The following ADAMTS18 variants were observed in gnomAD, a reference collection of about 807,000 sequenced individuals.
ADAMTS18 encodes A disintegrin and metalloproteinase with thrombospondin motifs 18.
Under a neutral mutation model 165.9 loss-of-function variants are expected in ADAMTS18, and 157 were observed. That is an observed-to-expected ratio of 0.95 (90% confidence interval 0.83 to 1.08). The LOEUF (loss-of-function observed/expected upper bound fraction) is 1.08. Among genes scored for constraint, ADAMTS18 ranks in the 50% least tolerant of loss-of-function variants. ADAMTS18 has a pLI of 0.00. For missense variants in ADAMTS18, 2,040 were observed against 1,534.0 expected, an observed-to-expected ratio of 1.33 and a Z score of -5.51; for synonymous variants, 782 against 578.2, an observed-to-expected ratio of 1.35 and a Z score of -5.06.
chr16:77,286,962 T>C (rs576569141), intron 22 of ADAMTS18, among the ~76,000 whole-genome samples: 4 of 152,280 alleles, frequency 2.6e-5, no homozygotes, highest in Non-Finnish European at 5.9e-5. Context: ...CACACACTGA[T>C]GATGATATAC....
chr16:77,286,242 C>A (rs2055248198), intron 22 of ADAMTS18, among the ~76,000 whole-genome samples: 1 of 152,106 alleles, frequency 6.6e-6, no homozygotes, highest in Non-Finnish European at 1.5e-5. Context: ...TGTTTAAGTG[C>A]TAAATAATCA....
chr16:77,336,667 CT>C (rs1353097807), intron 11 of ADAMTS18, among the ~76,000 whole-genome samples: 2 of 152,162 alleles, frequency 1.3e-5, no homozygotes, highest in Non-Finnish European at 2.9e-5. Flanking sequence ...GAGCTTTTTT[CT>C]GTATTAACCT....
chr16:77,413,018 C>T (rs906764524), intron 3 of ADAMTS18, among the ~76,000 whole-genome samples: 2 of 152,068 alleles, frequency 1.3e-5, no homozygotes, highest in Admixed American at 1.3e-4. Context: ...TTTCTTTACA[C>T]ACTCACACAC....
At chr16:77,420,113 C>A (rs1010701269) in intron 3 of ADAMTS18, among the ~76,000 whole-genome samples, 1 of 148,930 alleles carries the variant, frequency 6.7e-6, no homozygotes, top group African/African-American at 2.5e-5. Context: ...ACTTTACAGA[C>A]GAGCAAACTA....
chr16:77,332,308 G>A lies in ADAMTS18; in HGVS notation c.1859+3448C>T, dbSNP rs77813102. 1.6e-4 allele frequency among the ~76,000 whole-genome samples: 25 copies of A among 152,136 alleles called. No individual in the cohort carries two copies. The East Asian group carries it at 2.1e-3, about 13-fold the overall frequency. On this transcript the variant is annotated intron_variant, in intron 12 of 22. Transcript: ENST00000282849. ...ATCACATTCTTCAAAAGTCAGTTTCGTCAGTAAAGGCTCTGCCTCTCCACC... is the reference window on the plus strand; with the variant it reads ...ATCACATTCTTCAAAAGTCAGTTTCATCAGTAAAGGCTCTGCCTCTCCACC...
intron 3 of ADAMTS18, among the ~76,000 whole-genome samples, chr16:77,420,691 G>T (rs768503): frequency 0.13 from 19,731 of 152,130 alleles, 1,336 homozygotes; most frequent in Middle Eastern, 0.31. Context: ...AAGATGTAGA[G>T]ATATTCATTA....
At chr16:77,422,192 G>C (rs1173428258) in intron 3 of ADAMTS18, among the ~76,000 whole-genome samples, 1 of 152,064 alleles carries the variant, frequency 6.6e-6, no homozygotes, top group African/African-American at 2.4e-5. Context: ...TTTGGATACA[G>C]AGACAAATTT....
intron 8 of ADAMTS18, among the ~76,000 whole-genome samples, chr16:77,356,400 A>C (rs559107303): frequency 3.3e-5 from 5 of 152,208 alleles, no homozygotes; most frequent in Admixed American, 2.0e-4. Flanking sequence ...GAACAGCCAA[A>C]TTATTTAGTT....
chr16:77,289,171 G>A (rs1039828708), intron 22 of ADAMTS18, 93 bp downstream of exon 22: 15 of 1,510,370 alleles, frequency 9.9e-6, no homozygotes, highest in South Asian at 2.3e-5. Context: ...CCCTAGAGTT[G>A]TACAATGTCA....
At chr16:77,303,454 T>A (rs1170647776) in intron 16 of ADAMTS18, among the ~76,000 whole-genome samples, 2 of 152,190 alleles carry the variant, frequency 1.3e-5, no homozygotes, top group Non-Finnish European at 2.9e-5. Flanking sequence ...TAGGCCAAAA[T>A]AAAAACTTGG....
intron 3 of ADAMTS18, among the ~76,000 whole-genome samples, chr16:77,416,850 C>G (rs770000143): frequency 8.6e-5 from 13 of 152,022 alleles, no homozygotes; most frequent in Non-Finnish European, 1.5e-4. Context: ...TACAGGAATC[C>G]AGGTGAGAGA....
At chr16:77,413,186 C>A (rs2057487328) in intron 3 of ADAMTS18, among the ~76,000 whole-genome samples, 2 of 152,142 alleles carry the variant, frequency 1.3e-5, no homozygotes, top group Non-Finnish European at 1.5e-5. Flanking sequence ...ACTGATAATT[C>A]TTTCTGTAGA....
At chr16:77,411,810 C>G (rs1340798108) in intron 3 of ADAMTS18, among the ~76,000 whole-genome samples, 2 of 151,218 alleles carry the variant, frequency 1.3e-5, no homozygotes, top group African/African-American at 4.9e-5. Flanking sequence ...TCTCAGCCTC[C>G]TGAGTAGCTG....
chr16:77,343,996 C>T (rs1243782679), intron 10 of ADAMTS18, among the ~76,000 whole-genome samples: 3 of 150,938 alleles, frequency 2.0e-5, no homozygotes, highest in Non-Finnish European at 4.4e-5. Flanking sequence ...CACTCCATTT[C>T]ATGTAGATTT....
rs183848295 is a variant in ADAMTS18, at chr16:77,374,118, C to T, written c.496-6395G>A. 5.3e-5 allele frequency among the ~76,000 whole-genome samples: 8 copies of T among 151,684 alleles called. No homozygotes were observed. The East Asian group carries it at 1.6e-3, about 30-fold the overall frequency. ...CCTGTAATCCCAGCTACTCAGGAGGCTGAGGCAGGAGAATGGCTTGACCCC... is the reference window on the plus strand; with the variant it reads ...CCTGTAATCCCAGCTACTCAGGAGGTTGAGGCAGGAGAATGGCTTGACCCC... On this transcript the variant is annotated intron_variant, in intron 3 of 22. Transcript: ENST00000282849.
At chr16:77,372,157 C>T (rs930652581) in intron 3 of ADAMTS18, among the ~76,000 whole-genome samples, 2 of 152,112 alleles carry the variant, frequency 1.3e-5, no homozygotes, top group Non-Finnish European at 2.9e-5. Context: ...AACTGCTACA[C>T]ATTGTGGGCA....
chr16:77,337,024 C>A (rs758845420), intron 11 of ADAMTS18, among the ~76,000 whole-genome samples: 2 of 152,224 alleles, frequency 1.3e-5, no homozygotes, highest in Non-Finnish European at 2.9e-5. Flanking sequence ...GGCTTCATGA[C>A]TGTTTACTGT....
In ADAMTS18 at chr16:77,283,779, G is replaced by T; in HGVS notation, c.*177C>A. ...GTGCTTCAGAGTACCACGTGCTTCA[G>T]GGAATTGAGCTAGAAGCCTACTGGC... On this transcript the variant is annotated 3_prime_UTR_variant, in exon 23 of 23. Transcript: ENST00000282849. The T allele has an allele frequency of 1.7e-6, 1 of 605,966 alleles. No individual in the cohort carries two copies. The highest frequency in any genetic ancestry group is 3.0e-6 in the Non-Finnish European group (1 of 338,860). 37.5% of individuals were successfully genotyped at this position (605,966 alleles called of 1,614,324 possible). A position where few individuals can be genotyped will look rare whatever the true frequency, so the allele number is the denominator to read the frequency against.
chr16:77,315,208 T>C lies in ADAMTS18; in HGVS notation c.2532+4641A>G, dbSNP rs540102170. Among the ~76,000 whole-genome samples, 47 of 152,202 alleles carry C rather than the reference T, an allele frequency of 3.1e-4. 1 individual carries two copies. In the South Asian group the frequency reaches 6.2e-3, roughly 20 times the overall value. On this transcript the variant is annotated intron_variant, in intron 16 of 22. Coordinates refer to ENST00000282849, the MANE Select transcript of ADAMTS18 (RefSeq NM_199355.4). ...AATAGTCCTTTGACATTATGGAAAA[T>C]GCGATGCTTTTGAAATCTGAATAAT...
Sources: gnomAD v4.1 joint callset for allele counts (sites outside exome capture counted in the v4.1 genomes callset) on GRCh38, gnomAD v4.1.1 for gene constraint, MANE v1.5 for transcripts, NCBI Gene and HGNC (gene_info 2026-07-23, HGNC 2026-07-21) for gene names.